RIMBP2: variants seen among roughly 807,000 people sequenced by gnomAD.
RIMBP2 encodes RIMS-binding protein 2.
Under a neutral mutation model 118.6 loss-of-function variants are expected in RIMBP2, and 48 were observed. The ratio of observed to expected loss-of-function variants is 0.40; its 90% CI spans 0.32 to 0.51. The LOEUF (loss-of-function observed/expected upper bound fraction) is 0.51. RIMBP2 is among the 20% of genes least tolerant of loss of function. The pLI, the probability that RIMBP2 is intolerant of heterozygous loss-of-function variation, is 0.41. For missense variants in RIMBP2, 1,551 were observed against 1,768.3 expected (o/e 0.88, Z 2.20); for synonymous variants, 762 against 742.9 (o/e 1.03, Z -0.42).
intron 2 of RIMBP2, among the ~76,000 whole-genome samples, chr12:130,608,320 G>C (rs2060307929): frequency 6.6e-6 from 1 of 152,258 alleles, no homozygotes; most frequent in African/African-American, 2.4e-5. Flanking sequence ...CACCACCACA[G>C]GGGGTCGCAG....
chr12:130,667,427 G>C (rs1172184610), intron 1 of RIMBP2: 3 of 152,330 alleles, frequency 2.0e-5, no homozygotes, highest in Admixed American at 1.3e-4. Flanking sequence ...AAAAGACAGT[G>C]ATGTTTCCAC....
In RIMBP2 at chr12:130,424,684, G is replaced by A. The variant is rs1010737613; in HGVS notation, c.2587C>T (p.Leu863=). ...AGPSPRARTG[L]AREPRPGRPY... ...CTGCCGGGCCTGGGCTCTCTGGCCA[G>A]CCCCGTCCTGGCCCTGGGGGACGGC... The change falls in exon 16 of 23, where the codon CTG becomes TTG. Residue 863 remains leucine, a synonymous_variant. Transcript: ENST00000690449. This position sits in a 1 kb window ranked among gnomAD's most constrained non-coding sequence, Gnocchi z 9.8. 6 of 1,231,856 alleles carry A rather than the reference G, an allele frequency of 4.9e-6. No individual in the cohort carries two copies. The highest frequency in any genetic ancestry group is 6.1e-6 in the Non-Finnish European group (6 of 987,926). 76.3% of individuals were successfully genotyped at this position (1,231,856 alleles called of 1,614,324 possible).
intron 2 of RIMBP2, among the ~76,000 whole-genome samples, chr12:130,624,514 G>T (rs1018323501): frequency 5.3e-5 from 8 of 151,718 alleles, no homozygotes; most frequent in African/African-American, 1.9e-4. Context: ...AAAGGTCTGA[G>T]AATTCTGAAA....
chr12:130,444,372 C>T (rs1428457824), intron 10 of RIMBP2, among the ~76,000 whole-genome samples: 3 of 152,094 alleles, frequency 2.0e-5, no homozygotes, highest in Non-Finnish European at 4.4e-5. Flanking sequence ...AGGAAAAGCA[C>T]CTGGGGCTTC....
chr12:130,456,638 G>A lies in RIMBP2; in HGVS notation c.216C>T (p.Ser72=), dbSNP rs775921934. ...RTQSEQFNLL[S]RDLEKFRQHA... is the part of the protein sequence containing the mutation. ...GCTGCCGGAACTTCTCCAGGTCCCGGGACAGCAGGTTGAACTGCTCACTTT... is the reference window on the plus strand; with the variant it reads ...GCTGCCGGAACTTCTCCAGGTCCCGAGACAGCAGGTTGAACTGCTCACTTT... The change falls in exon 7 of 23, where the codon TCC becomes TCT. Residue 72 remains serine (S), a synonymous_variant. Transcript: ENST00000690449. The A allele has an allele frequency of 1.2e-6, 2 of 1,613,502 alleles. No individual in the cohort carries two copies. The highest frequency in any genetic ancestry group is 2.2e-5 in the East Asian group (1 of 44,866).
intron 1 of RIMBP2, among the ~76,000 whole-genome samples, chr12:130,662,980 C>A (rs1472403178): frequency 6.6e-6 from 1 of 152,178 alleles, no homozygotes; most frequent in African/African-American, 2.4e-5. Flanking sequence ...GATGTCCCAG[C>A]TGTTCCATAG....
At chr12:130,658,972 C>T (rs941178605) in intron 1 of RIMBP2, among the ~76,000 whole-genome samples, 3 of 152,188 alleles carry the variant, frequency 2.0e-5, no homozygotes. Context: ...CCTTCCTCCA[C>T]CATGCCAACC....
At chr12:130,482,820 T>C (rs866667901) in intron 4 of RIMBP2, among the ~76,000 whole-genome samples, 67 of 135,782 alleles carry the variant, frequency 4.9e-4, no homozygotes, top group South Asian at 1.2e-3. Context: ...TGTGTACATG[T>C]GTCAGATTCT....
At chr12:130,485,371 A>G (rs1593483497) in intron 4 of RIMBP2, among the ~76,000 whole-genome samples, 1 of 152,248 alleles carries the variant, frequency 6.6e-6, no homozygotes, top group East Asian at 1.9e-4. Flanking sequence ...CAGCTGGAAC[A>G]TGGCCGATGA....
intron 2 of RIMBP2, among the ~76,000 whole-genome samples, chr12:130,571,640 G>A (rs530296039): frequency 2.0e-5 from 3 of 152,052 alleles, no homozygotes; most frequent in South Asian, 2.1e-4. Flanking sequence ...GGCTGATCTC[G>A]AACTCCACAG....
At chr12:130,566,338 T>C (rs1390387312) in intron 2 of RIMBP2, among the ~76,000 whole-genome samples, 1 of 152,198 alleles carries the variant, frequency 6.6e-6, no homozygotes. Flanking sequence ...TTGAAAAATA[T>C]GTCCACAAAT....
At chr12:130,449,084 C>A (rs2078778083) in intron 9 of RIMBP2, among the ~76,000 whole-genome samples, 1 of 152,234 alleles carries the variant, frequency 6.6e-6, no homozygotes, top group South Asian at 2.1e-4. Context: ...CCGATGCCAG[C>A]TGAAGGGCAG....
intron 4 of RIMBP2, among the ~76,000 whole-genome samples, chr12:130,500,322 G>A (rs1187928462): frequency 6.6e-6 from 1 of 152,188 alleles, no homozygotes; most frequent in African/African-American, 2.4e-5. Context: ...GCTGGGCGTG[G>A]TGGCAGGCCC....
intron 21 of RIMBP2, among the ~76,000 whole-genome samples, chr12:130,404,438 C>T (rs910333662): frequency 6.6e-6 from 1 of 152,202 alleles, no homozygotes; most frequent in Admixed American, 6.5e-5. Flanking sequence ...GCTGGGATTA[C>T]AGGCACATGC....
rs768672690 is a variant in RIMBP2, at chr12:130,437,042, C to T, written c.1906G>A (p.Ala636Thr). ...TGCTCCCAGGCCTCATCCATCCTGGCGTGGGGACCCAGGTGCTCGTCTTTG... is the reference window on the plus strand; with the variant it reads ...TGCTCCCAGGCCTCATCCATCCTGGTGTGGGGACCCAGGTGCTCGTCTTTG... The part of the protein sequence containing the change: ...ETKDEHLGPH[A>T]RMDEAWEQSR... The change falls in exon 13 of 23, where the codon GCC (alanine) becomes ACC (threonine). Residue 636 changes from alanine (A) to threonine (T), a missense_variant. Ala to Thr is a moderately conservative substitution (Grantham distance 58). This residue lies in a region of RIMBP2 where 1,038 missense variants were observed against 1,125.1 expected (regional missense o/e 0.92). Transcript: ENST00000690449. 51 of 1,578,408 alleles carry T rather than the reference C, an allele frequency of 3.2e-5. No individual in the cohort carries two copies. The highest frequency in any genetic ancestry group is 1.3e-4 in the South Asian group (11 of 86,046).
At chr12:130,708,952 T>C (rs553699989) in intron 1 of RIMBP2, among the ~76,000 whole-genome samples, 8 of 152,298 alleles carry the variant, frequency 5.3e-5, no homozygotes, top group African/African-American at 1.9e-4. Flanking sequence ...TGTGTGATCT[T>C]CAGAGAGCCC....
intron 1 of RIMBP2, among the ~76,000 whole-genome samples, chr12:130,655,512 G>A (rs1323228110): frequency 2.0e-5 from 3 of 152,160 alleles, no homozygotes; most frequent in Admixed American, 6.5e-5. Flanking sequence ...AGGCTCTGGG[G>A]CCATAGAACA....
rs573204823 is a variant in RIMBP2, at chr12:130,578,524, T to G, written c.-217+49798A>C. ...AGACCTGTTCTCCTGGCCCCAGTCG[T>G]ACATGCCTGTGTTCTGTTTCTCGAT... On this transcript the variant is annotated intron_variant, in intron 2 of 22. Coordinates refer to ENST00000690449, the MANE Select transcript of RIMBP2 (RefSeq NM_001393629.1). The surrounding 1 kb of genome is among the most constrained non-coding windows in gnomAD (Gnocchi z 4.1). Among the ~76,000 whole-genome samples, 2 of 152,348 alleles carry G rather than the reference T, an allele frequency of 1.3e-5. No homozygotes were observed. Among genetic ancestry groups the G allele is most frequent in the East Asian group, 3.9e-4 (2 of 5,186 alleles).
intron 10 of RIMBP2, among the ~76,000 whole-genome samples, chr12:130,443,634 TAAG>T (rs1244805992): frequency 9.9e-5 from 15 of 152,180 alleles, no homozygotes; most frequent in Admixed American, 8.5e-4. Flanking sequence ...ATAAAATAAA[TAAG>T]AAGGACTTGG....
Sources: allele counts gnomAD v4.1 joint callset (sites outside exome capture counted in the v4.1 genomes callset), GRCh38; gene constraint gnomAD v4.1.1; regional missense constraint gnomAD v4.1.1; non-coding constraint Gnocchi (gnomAD v3.1); transcripts MANE v1.5; gene names NCBI Gene and HGNC (gene_info 2026-07-23, HGNC 2026-07-21).